PHTF2: variants seen among roughly 807,000 people sequenced by gnomAD.
PHTF2 encodes the protein protein PHTF2.
In PHTF2, 60 loss-of-function variants were observed where a neutral mutation model predicts 101.2. The ratio of observed to expected loss-of-function variants is 0.59; its 90% CI spans 0.48 to 0.73. The LOEUF is 0.73. Ranked by LOEUF, PHTF2 falls within the 30% of genes least tolerant of loss-of-function variation. The probability of loss-of-function intolerance (pLI) is 0.00; values close to 1 mark genes in which losing one functional copy is unlikely to be tolerated. For synonymous variants in PHTF2, 311 were observed against 307.3 expected, an observed-to-expected ratio of 1.01 and a Z score of -0.13; for missense variants, 747 against 908.7, an observed-to-expected ratio of 0.82 and a Z score of 2.29.
chr7:77,903,396 T>C (rs1801568718), intron 7 of PHTF2, among the ~76,000 whole-genome samples: 1 of 152,210 alleles, frequency 6.6e-6, no homozygotes. Flanking sequence ...GAAATTGCAA[T>C]AGTTTATTAG....
chr7:77,889,576 T>TCTTTTTTTTTTTTTTTC (rs937907790), intron 3 of PHTF2, among the ~76,000 whole-genome samples: 1 of 149,694 alleles, frequency 6.7e-6, no homozygotes, highest in Non-Finnish European at 1.5e-5. Flanking sequence ...GGTAGTATTT[T>TCTTTTTTTTTTTTTTTC]CTTTTTTTTT....
At chr7:77,951,423 A>G (rs1806533460) in intron 17 of PHTF2, among the ~76,000 whole-genome samples, 194 bp from the exon 17 acceptor site, 1 of 152,130 alleles carries the variant, frequency 6.6e-6, no homozygotes, top group African/African-American at 2.4e-5. Flanking sequence ...TTTTGATTAC[A>G]TTTCAAAAGT....
At chr7:77,803,688 CGT>C (rs34239792) in intron 1 of PHTF2, among the ~76,000 whole-genome samples, 24,363 of 140,402 alleles carry the variant, frequency 0.17, 2,357 homozygotes, top group African/African-American at 0.29. Flanking sequence ...GTTGAACAGG[CGT>C]GTGTGTGTGT....
intron 11 of PHTF2, chr7:77,923,979 A>G (rs911410363): frequency 2.2e-6 from 2 of 918,142 alleles, no homozygotes; most frequent in Non-Finnish European, 1.3e-6. Flanking sequence ...ATTGATTTAC[A>G]TCTTTTTTAA....
intron 17 of PHTF2, among the ~76,000 whole-genome samples, 172 bp downstream of exon 16, chr7:77,950,005 C>T (rs533123773): frequency 2.3e-4 from 35 of 152,292 alleles, no homozygotes; most frequent in African/African-American, 8.4e-4. Flanking sequence ...TGCCTTGACT[C>T]ATATTTCAAA....
chr7:77,948,737 C>G (rs1806292866), intron 16 of PHTF2, among the ~76,000 whole-genome samples: 1 of 152,090 alleles, frequency 6.6e-6, no homozygotes, highest in Non-Finnish European at 1.5e-5. Context: ...AATGAGAGAA[C>G]ACGTCACGCC....
chr7:77,847,766 G>T (rs1796419871), intron 2 of PHTF2, among the ~76,000 whole-genome samples: 1 of 152,150 alleles, frequency 6.6e-6, no homozygotes, highest in Non-Finnish European at 1.5e-5. Flanking sequence ...ATTGTTGACT[G>T]TAGTCACCCT....
chr7:77,956,205 A>C (rs1806981093), exon 20 of PHTF2: 2 of 152,730 alleles, frequency 1.3e-5, no homozygotes, highest in Middle Eastern at 3.4e-3. Flanking sequence ...GAAACAATCT[A>C]GAATTTTCTT....
chr7:77,875,515 T>A (rs956966443), intron 3 of PHTF2, among the ~76,000 whole-genome samples: 2 of 148,526 alleles, frequency 1.3e-5, no homozygotes, highest in Admixed American at 6.7e-5. Context: ...ATTTGTTGAC[T>A]AATAATAACA....
At chr7:77,935,125 C>G (rs967364136) in intron 12 of PHTF2, among the ~76,000 whole-genome samples, 11 of 67,412 alleles carry the variant, frequency 1.6e-4, no homozygotes, top group South Asian at 5.4e-4. Context: ...TACATTCCCC[C>G]CCCCCACACA....
chr7:77,858,780 G>T (rs1797384514), intron 3 of PHTF2, among the ~76,000 whole-genome samples: 1 of 151,662 alleles, frequency 6.6e-6, no homozygotes, highest in South Asian at 2.1e-4. Flanking sequence ...GAGTGCTTCT[G>T]TATATAGTCT....
chr7:77,921,493 A>G (rs149079866), intron 10 of PHTF2, among the ~76,000 whole-genome samples: 2 of 152,344 alleles, frequency 1.3e-5, no homozygotes, highest in East Asian at 3.9e-4. Context: ...AAATAAAGAA[A>G]AGAGGATTCT....
Position 77,859,487 on chromosome 7 carries a change from T to G in PHTF2, c.147+4653T>G, listed in dbSNP as rs1797445124. Among the ~76,000 whole-genome samples the G allele has an allele frequency of 2.6e-5, 4 of 152,086 alleles. No homozygotes were observed. In the South Asian group the frequency reaches 8.3e-4, roughly 32 times the overall value. ...ACGATTGTCGAACACCTAGGTCCTC[T>G]TTTTTTAAAAAAAATTTTTCATTCC... On this transcript the variant is annotated intron_variant, in intron 3 of 19. Transcript: ENST00000416283.
At chr7:77,872,397 C>T (rs763857958) in intron 3 of PHTF2, among the ~76,000 whole-genome samples, 2 of 152,200 alleles carry the variant, frequency 1.3e-5, no homozygotes, top group Non-Finnish European at 2.9e-5. Context: ...TTTGTATAAA[C>T]TAAGTAGGAA....
chr7:77,928,115 C>A (rs1302766352), intron 11 of PHTF2, among the ~76,000 whole-genome samples: 2 of 148,490 alleles, frequency 1.3e-5, no homozygotes, highest in Non-Finnish European at 3.0e-5. Context: ...TCGGTGATAG[C>A]AAAGGAAAGA....
chr7:77,866,661 T>G (rs933999522), intron 3 of PHTF2, among the ~76,000 whole-genome samples: 2 of 152,188 alleles, frequency 1.3e-5, no homozygotes, highest in African/African-American at 4.8e-5. Context: ...TTCTCTTTAA[T>G]GGTCTCTTAT....
intron 2 of PHTF2, among the ~76,000 whole-genome samples, chr7:77,844,231 C>T (rs191817026): frequency 3.9e-5 from 6 of 152,250 alleles, no homozygotes; most frequent in South Asian, 2.1e-4. Flanking sequence ...TGGCCTCAAG[C>T]GATCCTCCTG....
intron 1 of PHTF2, among the ~76,000 whole-genome samples, chr7:77,808,024 G>C (rs777550043): frequency 6.6e-6 from 1 of 152,036 alleles, no homozygotes; most frequent in Non-Finnish European, 1.5e-5. Flanking sequence ...TTTATTTCTA[G>C]GGTCTTTATT....
chr7:77,821,491 C>T (rs1263387263), intron 1 of PHTF2, among the ~76,000 whole-genome samples: 3 of 151,672 alleles, frequency 2.0e-5, no homozygotes, highest in Admixed American at 6.6e-5. Context: ...GTAGATGGCC[C>T]GTGGGGCTGT....
Sources: gnomAD v4.1 joint callset for allele counts (sites outside exome capture counted in the v4.1 genomes callset) on GRCh38, gnomAD v4.1.1 for gene constraint, MANE v1.5 for transcripts, NCBI Gene and HGNC (gene_info 2026-07-23, HGNC 2026-07-21) for gene names.